The following PAK2 variants were observed in gnomAD, a reference collection of about 807,000 sequenced individuals.
PAK2 encodes serine/threonine-protein kinase PAK 2.
Under a neutral mutation model 65.9 loss-of-function variants are expected in PAK2, and 21 were observed. The observed-to-expected ratio is 0.32, with a 90% CI of 0.23 to 0.46. The LOEUF is 0.46. Among genes scored for constraint, PAK2 ranks in the 20% least tolerant of loss-of-function variants. The pLI, the probability that PAK2 is intolerant of heterozygous loss-of-function variation, is 1.00. For missense variants in PAK2, 324 were observed against 642.6 expected (o/e 0.50, Z 5.36); for synonymous variants, 204 against 219.7 (o/e 0.93, Z 0.63).
In PAK2 at chr3:196,828,919, A is replaced by G. The variant is rs148346857; in HGVS notation, c.*514A>G. 0.011 allele frequency: 1,717 copies of G among 154,648 alleles called. 20 individuals carry two copies. The highest frequency in any genetic ancestry group is 0.039 in the Middle Eastern group (12 of 306). The allele number at this position is 154,648 out of a possible 1,614,324, so 9.6% of individuals were successfully genotyped here. ...AATTATGTAGCTCCTTATGTTGGCA[A>G]AGGAGCTCTATATAGTTTCACTTTG... is the stretch of plus-strand genomic sequence containing the variant. On this transcript the variant is annotated 3_prime_UTR_variant, in exon 15 of 15. Coordinates refer to ENST00000327134, the MANE Select transcript of PAK2 (RefSeq NM_002577.4).
At chr3:196,824,880 CTTTAA>C (rs1004253036) in intron 13 of PAK2, among the ~76,000 whole-genome samples, 1 of 151,316 alleles carries the variant, frequency 6.6e-6, no homozygotes, top group Non-Finnish European at 1.5e-5. Context: ...AAACTGAGGG[CTTTAA>C]TTTAATAGAA....
At chr3:196,826,852 C>T (rs558496112) in intron 13 of PAK2, among the ~76,000 whole-genome samples, 65 of 151,978 alleles carry the variant, frequency 4.3e-4, no homozygotes, top group African/African-American at 1.5e-3. Flanking sequence ...ACCCAGGAGG[C>T]AGAGGTTGCA....
At chr3:196,785,567 G>A (rs778295727) in intron 2 of PAK2, among the ~76,000 whole-genome samples, 1 of 152,100 alleles carries the variant, frequency 6.6e-6, no homozygotes, top group African/African-American at 2.4e-5. Flanking sequence ...CATCTTTTCG[G>A]GTTAATTGAC....
intron 12 of PAK2, among the ~76,000 whole-genome samples, chr3:196,819,580 T>C (rs553984762): frequency 3.3e-5 from 5 of 152,220 alleles, no homozygotes; most frequent in Non-Finnish European, 7.3e-5. Context: ...TATTCATGCA[T>C]ATGTACATGC....
At chr3:196,812,702 C>T (rs1715867391) in intron 9 of PAK2, 37 bp from the exon 10 acceptor site, 1 of 948,944 alleles carries the variant, frequency 1.1e-6, no homozygotes. Flanking sequence ...AAGAGAATTC[C>T]TAAACCTGGT....
intron 11 of PAK2, among the ~76,000 whole-genome samples, chr3:196,816,442 A>G (rs927519387): frequency 6.6e-6 from 1 of 152,170 alleles, no homozygotes; most frequent in Non-Finnish European, 1.5e-5. Context: ...TTACCTATTT[A>G]TACTTAATTT....
At position 196,790,630 on chromosome 3, in the gene PAK2, C is replaced by T. The variant is rs541054424; in HGVS notation, c.187+7797C>T. 3.3e-5 allele frequency among the ~76,000 whole-genome samples: 5 copies of T among 152,296 alleles called. No individual in the cohort carries two copies. The East Asian group carries it at 7.7e-4, about 23-fold the overall frequency. On this transcript the variant is annotated intron_variant, in intron 2 of 14. Transcript: ENST00000327134. ...TAGGGGTCCGTCCCGCAGACCCTGA[C>T]CCAATGACGGATGAATAACTTACAC... is the stretch of plus-strand genomic sequence containing the variant.
chr3:196,793,100 C>G (rs1036863276), intron 2 of PAK2, among the ~76,000 whole-genome samples: 1 of 152,130 alleles, frequency 6.6e-6, no homozygotes, highest in African/African-American at 2.4e-5. Flanking sequence ...AGTTGAAAAT[C>G]AACATCGAAA....
At chr3:196,795,498 A>G (rs1170728991) in intron 2 of PAK2, among the ~76,000 whole-genome samples, 1 of 151,928 alleles carries the variant, frequency 6.6e-6, no homozygotes, top group Non-Finnish European at 1.5e-5. Context: ...ACAAAAACAC[A>G]GTGATAGAGA....
At chr3:196,792,293 C>T (rs544612377) in intron 2 of PAK2, among the ~76,000 whole-genome samples, 1 of 152,246 alleles carries the variant, frequency 6.6e-6, no homozygotes, top group Admixed American at 6.5e-5. Flanking sequence ...AATAATTTCT[C>T]CTGTATGTAG....
intron 1 of PAK2, among the ~76,000 whole-genome samples, chr3:196,768,437 T>C (rs1714252023): frequency 1.3e-5 from 2 of 152,140 alleles, no homozygotes; most frequent in South Asian, 4.1e-4. Flanking sequence ...TTTTTTATAC[T>C]TCTTAGGTTG....
At position 196,776,835 on chromosome 3, in the gene PAK2, G is replaced by C. The variant is rs146766387; in HGVS notation, c.-21-5791G>C. Among the ~76,000 whole-genome samples the C allele has an allele frequency of 2.0e-5, 3 of 152,310 alleles. No individual in the cohort carries two copies. The East Asian group carries it at 5.8e-4, about 29-fold the overall frequency. On this transcript the variant is annotated intron_variant, in intron 1 of 14. Transcript: ENST00000327134. ...AAGAAGATTCATTGCTGTGATTTCA[G>C]ATTCCACAATGAACCTTTTAGGAAG...
intron 1 of PAK2, among the ~76,000 whole-genome samples, chr3:196,758,972 C>T (rs1231210164): frequency 1.3e-5 from 2 of 152,158 alleles, no homozygotes; most frequent in South Asian, 2.1e-4. Context: ...ATGTTAATTT[C>T]TTAAAAAGGG....
At chr3:196,796,070 G>C (rs1560107322) in intron 2 of PAK2, among the ~76,000 whole-genome samples, 1 of 152,236 alleles carries the variant, frequency 6.6e-6, no homozygotes. Context: ...CGCGGCTGCT[G>C]ATCTGACAGG....
chr3:196,758,078 G>T (rs1713827182), intron 1 of PAK2, among the ~76,000 whole-genome samples: 1 of 152,198 alleles, frequency 6.6e-6, no homozygotes, highest in Non-Finnish European at 1.5e-5. Context: ...TTCATTCACT[G>T]ATTTATTCAT....
At chr3:196,801,633 G>C (rs1422112021) in intron 2 of PAK2, among the ~76,000 whole-genome samples, 1 of 151,600 alleles carries the variant, frequency 6.6e-6, no homozygotes, top group African/African-American at 2.4e-5. Context: ...AGGAGTTTGA[G>C]ACCAGCCTGA....
chr3:196,785,458 C>T lies in PAK2; in HGVS notation c.187+2625C>T, dbSNP rs115908478. On this transcript the variant is annotated intron_variant, in intron 2 of 14. Transcript: ENST00000327134. ...TACATTCTCACCCACAGAAGATGAG[C>T]GTTCCCATTGCTGAGCACCCTCAGC... 7.7e-3 allele frequency among the ~76,000 whole-genome samples: 1,175 copies of T among 152,178 alleles called. 18 individuals carry two copies. Among genetic ancestry groups the T allele is most frequent in the African/African-American group, 0.027 (1,102 of 41,516 alleles).
At chr3:196,801,407 A>G (rs1361186763) in intron 2 of PAK2, among the ~76,000 whole-genome samples, 2 of 151,922 alleles carry the variant, frequency 1.3e-5, no homozygotes, top group Non-Finnish European at 2.9e-5. Flanking sequence ...GTCCAGCCCT[A>G]CTCTATGGCA....
At position 196,791,568 on chromosome 3, in the gene PAK2, T is replaced by C. The variant is rs1025638104; in HGVS notation, c.187+8735T>C. On this transcript the variant is annotated intron_variant, in intron 2 of 14. Transcript: ENST00000327134. The surrounding 1 kb of genome is among the most constrained non-coding windows in gnomAD (Gnocchi z 4.0). ...AGATATGTTATCTCTCACCCTTCTT[T>C]TTATATTTTTTTCTTATTTTATATT... Among the ~76,000 whole-genome samples the C allele has an allele frequency of 3.9e-5, 6 of 152,188 alleles. No individual in the cohort carries two copies. Among genetic ancestry groups the C allele is most frequent in the Non-Finnish European group, 7.3e-5 (5 of 68,032 alleles).
Sources: allele counts gnomAD v4.1 joint callset (sites outside exome capture counted in the v4.1 genomes callset), GRCh38; gene constraint gnomAD v4.1.1; non-coding constraint Gnocchi (gnomAD v3.1); transcripts MANE v1.5; gene names NCBI Gene and HGNC (gene_info 2026-07-23, HGNC 2026-07-21).